SPSB1: variants seen among roughly 807,000 people sequenced by gnomAD.
SPSB1 encodes splA/ryanodine receptor domain and SOCS box containing 1, also known as SPRY domain-containing SOCS box protein 1.
SPSB1 carries 8 observed loss-of-function variants against 21.2 expected under a neutral mutation model. That is an observed-to-expected ratio of 0.38 (90% CI 0.22 to 0.68). SPSB1 has a LOEUF of 0.68. Among genes scored for constraint, SPSB1 ranks in the 30% least tolerant of loss-of-function variants. SPSB1 has a pLI of 0.53. For missense variants in SPSB1, 242 were observed against 377.8 expected, an observed-to-expected ratio of 0.64 and a Z score of 2.98; for synonymous variants, 169 against 161.7, an observed-to-expected ratio of 1.05 and a Z score of -0.34.
At chr1:9,319,896 C>T (rs1180222836) in intron 1 of SPSB1, among the ~76,000 whole-genome samples, 1 of 152,132 alleles carries the variant, frequency 6.6e-6, no homozygotes, top group Non-Finnish European at 1.5e-5. Flanking sequence ...AAGCAGCCTC[C>T]CCGCCTATCT....
At chr1:9,357,133 G>GTGGA (rs1553128602) in intron 2 of SPSB1, among the ~76,000 whole-genome samples, 5 of 59,658 alleles carry the variant, frequency 8.4e-5, no homozygotes, top group African/African-American at 2.5e-4. Flanking sequence ...GGATGGATGA[G>GTGGA]TGGATGGATG....
chr1:9,315,430 C>T (rs1400995326), intron 1 of SPSB1, among the ~76,000 whole-genome samples: 1 of 152,250 alleles, frequency 6.6e-6, no homozygotes, highest in African/African-American at 2.4e-5. Flanking sequence ...CAAGTCTTTA[C>T]AATACAACAC....
chr1:9,332,521 G>C (rs1639938354), intron 1 of SPSB1, among the ~76,000 whole-genome samples: 1 of 152,178 alleles, frequency 6.6e-6, no homozygotes, highest in Admixed American at 6.5e-5. Context: ...CTGCTGGGGA[G>C]ATGATATTTG....
At chr1:9,333,413 C>A (rs550360574) in intron 1 of SPSB1, among the ~76,000 whole-genome samples, 443 of 149,624 alleles carry the variant, frequency 3.0e-3, no homozygotes, top group African/African-American at 0.011. Context: ...TCACTGCAAC[C>A]TCCGCCTCCC....
chr1:9,349,954 A>T (rs1252146223), intron 1 of SPSB1, among the ~76,000 whole-genome samples: 1 of 152,012 alleles, frequency 6.6e-6, no homozygotes, highest in East Asian at 1.9e-4. Flanking sequence ...ACACAGACAC[A>T]CGCCACACAC....
chr1:9,320,177 T>C (rs760687747), intron 1 of SPSB1, among the ~76,000 whole-genome samples: 1 of 152,252 alleles, frequency 6.6e-6, no homozygotes, highest in Admixed American at 6.5e-5. Flanking sequence ...TAAATTTGCA[T>C]GGCAGAAACT....
intron 1 of SPSB1, among the ~76,000 whole-genome samples, chr1:9,314,821 G>GC (rs1376215279): frequency 2.6e-5 from 4 of 152,074 alleles, no homozygotes; most frequent in Non-Finnish European, 5.9e-5. Flanking sequence ...AAACTCACAT[G>GC]CCCCCCGGGG....
Position 9,292,999 on chromosome 1 carries a change from C to A in SPSB1, c.-222C>A. On this transcript the variant is annotated 5_prime_UTR_variant, in exon 1 of 3. Transcript: ENST00000328089. ...GGGGAGGAGGCGACTTCGCTCCCTGCGGCGGGCGCGGCCCGGGCGCCCGAG... is the reference window on the plus strand; with the variant it reads ...GGGGAGGAGGCGACTTCGCTCCCTGAGGCGGGCGCGGCCCGGGCGCCCGAG... The A allele has an allele frequency of 1.0e-6, 1 of 982,488 alleles. No individual in the cohort carries two copies. The highest frequency in any genetic ancestry group is 1.2e-6 in the Non-Finnish European group (1 of 828,316). 60.9% of individuals were successfully genotyped at this position (982,488 alleles called of 1,614,324 possible). A position where few individuals can be genotyped will look rare whatever the true frequency, so the allele number is the denominator to read the frequency against.
intron 1 of SPSB1, among the ~76,000 whole-genome samples, chr1:9,328,814 G>A (rs1166630287): frequency 1.3e-5 from 2 of 152,224 alleles, no homozygotes; most frequent in African/African-American, 4.8e-5. Flanking sequence ...CATAGGGCAG[G>A]GGAATTGTTG....
intron 1 of SPSB1, among the ~76,000 whole-genome samples, chr1:9,323,449 G>A (rs1257190053): frequency 1.3e-5 from 2 of 152,222 alleles, no homozygotes; most frequent in African/African-American, 4.8e-5. Flanking sequence ...GTCAGAGGGT[G>A]CTCAGCCTGG....
rs568968666 is a variant in SPSB1 at position 9,367,806 on chromosome 1, G to A, written c.*231G>A. On this transcript the variant is annotated 3_prime_UTR_variant, in exon 3 of 3. Coordinates refer to ENST00000328089, the MANE Select transcript of SPSB1 (RefSeq NM_025106.4). The surrounding 1 kb of genome is among the most constrained non-coding windows in gnomAD (Gnocchi z 5.9). Reference sequence around the variant, plus strand: ...GCAGAAGGCAGCATCCCTGCATGCCGTCCGTATACAACCCCTCTTTGAAAA... The same window carrying A: ...GCAGAAGGCAGCATCCCTGCATGCCATCCGTATACAACCCCTCTTTGAAAA... The A allele has an allele frequency of 1.9e-5, 12 of 624,458 alleles. No individual in the cohort carries two copies. The highest frequency in any genetic ancestry group is 1.1e-4 in the East Asian group (4 of 35,290). 38.7% of individuals were successfully genotyped at this position (624,458 alleles called of 1,614,324 possible).
At chr1:9,357,185 GTGGA>G (rs1363200356) in intron 2 of SPSB1, among the ~76,000 whole-genome samples, 4 of 147,130 alleles carry the variant, frequency 2.7e-5, no homozygotes, top group Non-Finnish European at 4.5e-5. Flanking sequence ...GGATGGATGA[GTGGA>G]TGGATGGATG....
At chr1:9,294,762 C>T (rs1639181855) in intron 1 of SPSB1, among the ~76,000 whole-genome samples, 2 of 152,142 alleles carry the variant, frequency 1.3e-5, no homozygotes, top group African/African-American at 2.4e-5. Flanking sequence ...CATTTCTCAT[C>T]GTGGGGTGTG....
chr1:9,367,332 G>T lies in SPSB1; in HGVS notation c.695-116G>T. On this transcript the variant is annotated intron_variant, in intron 2 of 2. Transcript: ENST00000328089. The surrounding 1 kb of genome is among the most constrained non-coding windows in gnomAD (Gnocchi z 5.9). ...ATGAAAAAGCATTGCATTTTTCATT[G>T]TTTCTTTACTGATTTGAGTGAATAC... The T allele has an allele frequency of 6.5e-7, 1 of 1,546,850 alleles. No homozygotes were observed.
intron 2 of SPSB1, among the ~76,000 whole-genome samples, chr1:9,360,769 G>GTA (rs1324393139): frequency 6.6e-6 from 1 of 152,220 alleles, no homozygotes; most frequent in Non-Finnish European, 1.5e-5. Flanking sequence ...TCATAATGAA[G>GTA]TACATCCGCA....
At chr1:9,337,929 C>T (rs775822746) in intron 1 of SPSB1, among the ~76,000 whole-genome samples, 2 of 152,230 alleles carry the variant, frequency 1.3e-5, no homozygotes, top group Non-Finnish European at 2.9e-5. Flanking sequence ...GACCTGGTGG[C>T]TCTTCCGGTG....
rs551909677 is a variant in SPSB1 at position 9,336,593 on chromosome 1, C to T, written c.-149-19150C>T. Among the ~76,000 whole-genome samples, 78 of 152,280 alleles carry T rather than the reference C, an allele frequency of 5.1e-4. 2 individuals are homozygous for T. In the South Asian group the frequency reaches 0.015, roughly 30 times the overall value. On this transcript the variant is annotated intron_variant, in intron 1 of 2. Coordinates refer to ENST00000328089, the MANE Select transcript of SPSB1 (RefSeq NM_025106.4). ...GAAAGAGGAGTGGGGGATCCTCTGC[C>T]CGCGTGCGTTCAAGGAAGAGTCTGG...
chr1:9,345,769 G>A lies in SPSB1; in HGVS notation c.-149-9974G>A, dbSNP rs1640159130. 6.6e-6 allele frequency among the ~76,000 whole-genome samples: 1 copy of A among 152,160 alleles called. No individual in the cohort carries two copies. The highest frequency in any genetic ancestry group is 2.1e-4 in the South Asian group (1 of 4,822). On this transcript the variant is annotated intron_variant, in intron 1 of 2. Transcript: ENST00000328089. The surrounding 1 kb of genome is among the most constrained non-coding windows in gnomAD (Gnocchi z 4.8). ...CAGGGACTAGAGCTCTGGACCGTGT[G>A]GGATTTTCTCTCCAAAATCACTTGT...
At chr1:9,299,462 G>A (rs1306812285) in intron 1 of SPSB1, among the ~76,000 whole-genome samples, 1 of 149,862 alleles carries the variant, frequency 6.7e-6, no homozygotes, top group Non-Finnish European at 1.5e-5. Flanking sequence ...AACACAGTGA[G>A]ACGTCATCTC....
Sources: allele counts gnomAD v4.1 joint callset (sites outside exome capture counted in the v4.1 genomes callset), GRCh38; gene constraint gnomAD v4.1.1; non-coding constraint Gnocchi (gnomAD v3.1); transcripts MANE v1.5; gene names NCBI Gene and HGNC (gene_info 2026-07-23, HGNC 2026-07-21).